The following CALD1 variants were observed in gnomAD, a reference collection of about 807,000 sequenced individuals.
CALD1 encodes the protein caldesmon 1.
CALD1 carries 33 observed loss-of-function variants against 99.9 expected under a neutral mutation model. That is an observed-to-expected ratio of 0.33 (90% CI 0.25 to 0.44). CALD1 has a LOEUF of 0.44. CALD1 is among the 20% of genes least tolerant of loss of function. The probability of loss-of-function intolerance (pLI) is 1.00; values close to 1 mark genes in which losing one functional copy is unlikely to be tolerated. For missense variants in CALD1, 861 were observed against 962.1 expected, an observed-to-expected ratio of 0.89 and a Z score of 1.39; for synonymous variants, 310 against 325.0, an observed-to-expected ratio of 0.95 and a Z score of 0.50.
intron 1 of CALD1, among the ~76,000 whole-genome samples, chr7:134,823,186 A>G (rs1798850620): frequency 6.6e-6 from 1 of 152,230 alleles, no homozygotes; most frequent in Non-Finnish European, 1.5e-5. Context: ...CTATGAGAAC[A>G]AAGCCAAACA....
At chr7:134,851,409 C>T (rs778634779) in intron 2 of CALD1, among the ~76,000 whole-genome samples, 7 of 152,214 alleles carry the variant, frequency 4.6e-5, no homozygotes, top group Non-Finnish European at 7.3e-5. Context: ...CTACCTATCC[C>T]TGTTTCTAAA....
intron 13 of CALD1, chr7:134,963,001 T>G (rs1808393077): frequency 1.3e-5 from 6 of 448,146 alleles, no homozygotes; most frequent in South Asian, 9.5e-5. Flanking sequence ...TCATATTTTC[T>G]TAAAAGGACT....
chr7:134,841,930 T>TG (rs1586082421), intron 1 of CALD1, among the ~76,000 whole-genome samples: 1 of 152,120 alleles, frequency 6.6e-6, no homozygotes, highest in South Asian at 2.1e-4. Flanking sequence ...GATCTTTACA[T>TG]GGGGGGGCTT....
chr7:134,717,128 A>C, the CALD1 span, among the ~76,000 whole-genome samples: 1 of 152,190 alleles, frequency 6.6e-6, no homozygotes, highest in Non-Finnish European at 1.5e-5. Flanking sequence ...ACCTCAACAC[A>C]CACAGTTTCC....
upstream of CALD1, chr7:134,779,553 AC>A: frequency 1.5e-5 from 6 of 397,240 alleles, no homozygotes; most frequent in East Asian, 2.1e-4. Flanking sequence ...CCGACTGTAA[AC>A]ATAGGGGATA....
chr7:134,907,433 A>T (rs1043162508), intron 3 of CALD1, among the ~76,000 whole-genome samples: 3 of 152,088 alleles, frequency 2.0e-5, no homozygotes, highest in Admixed American at 6.6e-5. Flanking sequence ...AAGAAAAAAA[A>T]AAAGCACATT....
chr7:134,743,466 G>A (rs1426483282), upstream of CALD1, among the ~76,000 whole-genome samples: 1 of 152,098 alleles, frequency 6.6e-6, no homozygotes, highest in Non-Finnish European at 1.5e-5. Flanking sequence ...ATCTAAGGGG[G>A]GTGGGAATTG....
chr7:134,876,865 A>G (rs918763689), intron 3 of CALD1, among the ~76,000 whole-genome samples: 1 of 152,218 alleles, frequency 6.6e-6, no homozygotes, highest in Admixed American at 6.5e-5. Context: ...TTTTACATTT[A>G]TCACTACTAT....
chr7:134,856,007 A>G (rs1023453102), intron 2 of CALD1, among the ~76,000 whole-genome samples: 9 of 152,172 alleles, frequency 5.9e-5, no homozygotes, highest in African/African-American at 1.7e-4. Flanking sequence ...CTAATCCTAC[A>G]CTCTGCAAAG....
chr7:134,909,776 T>G (rs143369410), intron 3 of CALD1, among the ~76,000 whole-genome samples: 1 of 152,254 alleles, frequency 6.6e-6, no homozygotes, highest in African/African-American at 2.4e-5. Flanking sequence ...GACAGACAAG[T>G]TATAAACATA....
the CALD1 span, among the ~76,000 whole-genome samples, chr7:134,729,277 T>C: frequency 6.6e-6 from 1 of 152,044 alleles, no homozygotes; most frequent in Non-Finnish European, 1.5e-5. Context: ...TATCATAGAG[T>C]AGTATTATTA....
At chr7:134,832,957 A>G (rs927278336) in intron 1 of CALD1, among the ~76,000 whole-genome samples, 6 of 152,218 alleles carry the variant, frequency 3.9e-5, no homozygotes, top group Non-Finnish European at 8.8e-5. Flanking sequence ...TGCCAGATAT[A>G]TAAGAATTAT....
chr7:134,765,650 T>A (rs1382368689), intron 1 of CALD1, among the ~76,000 whole-genome samples: 1 of 152,178 alleles, frequency 6.6e-6, no homozygotes, highest in Non-Finnish European at 1.5e-5. Context: ...CCAAATCTCA[T>A]GTTGAATTGT....
intron 3 of CALD1, among the ~76,000 whole-genome samples, chr7:134,883,499 G>C (rs148307617): frequency 7.7e-4 from 117 of 152,012 alleles, no homozygotes; most frequent in African/African-American, 2.7e-3. Context: ...AACCTGCCAG[G>C]CTGGTGGTTA....
At chr7:134,943,246 G>T (rs1336361781) in intron 7 of CALD1, among the ~76,000 whole-genome samples, 3 of 147,936 alleles carry the variant, frequency 2.0e-5, no homozygotes, top group Non-Finnish European at 3.0e-5. Flanking sequence ...ATGGTCAAAG[G>T]CCTGATACTC....
intron 7 of CALD1, among the ~76,000 whole-genome samples, chr7:134,946,189 T>C (rs1658769100): frequency 6.6e-6 from 1 of 152,096 alleles, no homozygotes; most frequent in Non-Finnish European, 1.5e-5. Context: ...GAAATTATAG[T>C]ATATCAGTAT....
At chr7:134,903,756 A>G (rs745519191) in intron 3 of CALD1, among the ~76,000 whole-genome samples, 1 of 152,076 alleles carries the variant, frequency 6.6e-6, no homozygotes, top group Non-Finnish European at 1.5e-5. Context: ...TGATAACTTC[A>G]TCTTCACTCA....
intron 1 of CALD1, among the ~76,000 whole-genome samples, chr7:134,756,937 C>T (rs373955701): frequency 6.6e-6 from 1 of 152,126 alleles, no homozygotes; most frequent in Non-Finnish European, 1.5e-5. Context: ...TAGCGCTATG[C>T]GTAACTTGAA....
At chr7:134,725,851 A>G in the CALD1 span, among the ~76,000 whole-genome samples, 1 of 152,196 alleles carries the variant, frequency 6.6e-6, no homozygotes, top group East Asian at 1.9e-4. Flanking sequence ...AGAAGGTGCT[A>G]CAAAGACAGA....
Sources: gnomAD v4.1 joint callset for allele counts (sites outside exome capture counted in the v4.1 genomes callset) on GRCh38, gnomAD v4.1.1 for gene constraint, MANE v1.5 for transcripts, NCBI Gene and HGNC (gene_info 2026-07-23, HGNC 2026-07-21) for gene names.